The following RUNX2 variants were observed in gnomAD, a reference collection of about 807,000 sequenced individuals.
The protein encoded by RUNX2 is RUNX family transcription factor 2.
RUNX2 carries 10 observed loss-of-function variants against 51.7 expected under a neutral mutation model. The observed-to-expected ratio is 0.19, with a 90% CI of 0.12 to 0.33. The LOEUF is 0.33. Among genes scored for constraint, RUNX2 ranks in the 10% least tolerant of loss-of-function variants. The pLI is 1.00. For synonymous variants in RUNX2, 276 were observed against 273.6 expected (o/e 1.01, Z -0.09); for missense variants, 562 against 691.3 (o/e 0.81, Z 2.10).
chr6:45,362,080 C>T (rs1386993446), intron 2 of RUNX2, among the ~76,000 whole-genome samples: 4 of 152,078 alleles, frequency 2.6e-5, no homozygotes, highest in Admixed American at 2.0e-4. Flanking sequence ...AACAACAACA[C>T]AACTTCTGTT....
intron 2 of RUNX2, among the ~76,000 whole-genome samples, chr6:45,403,666 T>C (rs912922829): frequency 5.9e-5 from 9 of 152,224 alleles, no homozygotes; most frequent in Non-Finnish European, 1.5e-5. Context: ...AACTAGTCTT[T>C]ATTGAATGCC....
At chr6:45,329,527 C>T (rs1019614802) in intron 2 of RUNX2, among the ~76,000 whole-genome samples, 1 of 151,912 alleles carries the variant, frequency 6.6e-6, no homozygotes, top group Non-Finnish European at 1.5e-5. Flanking sequence ...CATCTACACA[C>T]TGTTATCCAT....
intron 5 of RUNX2, among the ~76,000 whole-genome samples, chr6:45,452,236 G>C (rs1799194485): frequency 6.6e-6 from 1 of 152,198 alleles, no homozygotes; most frequent in Non-Finnish European, 1.5e-5. Context: ...GTATAACCTG[G>C]AGCTTGAGTG....
At chr6:45,361,316 CTCCCAATTT>C (rs1206049802) in intron 2 of RUNX2, among the ~76,000 whole-genome samples, 17 of 152,004 alleles carry the variant, frequency 1.1e-4, no homozygotes, top group Non-Finnish European at 7.4e-5. Context: ...ATCCCCAAAA[CTCCCAATTT>C]TTAAAAACGT....
At chr6:45,355,843 A>C (rs1362534806) in intron 2 of RUNX2, among the ~76,000 whole-genome samples, 2 of 152,192 alleles carry the variant, frequency 1.3e-5, no homozygotes, top group African/African-American at 4.8e-5. Flanking sequence ...CCAACCAAAA[A>C]GAATGTTATT....
At chr6:45,331,585 G>A (rs1248698691) in intron 2 of RUNX2, among the ~76,000 whole-genome samples, 1 of 151,666 alleles carries the variant, frequency 6.6e-6, no homozygotes, top group Non-Finnish European at 1.5e-5. Flanking sequence ...AATTCCCAAA[G>A]ACTCATATAA....
intron 2 of RUNX2, among the ~76,000 whole-genome samples, chr6:45,417,383 G>T (rs1220833326): frequency 6.6e-6 from 1 of 152,146 alleles, no homozygotes; most frequent in East Asian, 1.9e-4. Flanking sequence ...TTCTTAAGGA[G>T]CCTGTGAAAA....
intron 6 of RUNX2, among the ~76,000 whole-genome samples, chr6:45,492,736 A>G (rs1408709475): frequency 6.6e-6 from 1 of 152,228 alleles, no homozygotes; most frequent in East Asian, 1.9e-4. Context: ...CAGACTAATC[A>G]TTCACATTTG....
At chr6:45,542,435 G>T (rs935598772) in intron 7 of RUNX2, among the ~76,000 whole-genome samples, 1 of 152,142 alleles carries the variant, frequency 6.6e-6, no homozygotes, top group Non-Finnish European at 1.5e-5. Context: ...ACATTTGTTT[G>T]CAAGCTGTTT....
intron 5 of RUNX2, among the ~76,000 whole-genome samples, chr6:45,452,477 CT>C (rs1296277896): frequency 6.6e-6 from 1 of 152,182 alleles, no homozygotes; most frequent in Non-Finnish European, 1.5e-5. Context: ...GTTAACTTTT[CT>C]TGGAGAAGCC....
At chr6:45,398,739 T>C (rs1797634269) in intron 2 of RUNX2, among the ~76,000 whole-genome samples, 1 of 152,214 alleles carries the variant, frequency 6.6e-6, no homozygotes, top group South Asian at 2.1e-4. Context: ...TTCCTCCTTA[T>C]AACATTAATA....
intron 7 of RUNX2, among the ~76,000 whole-genome samples, chr6:45,537,704 G>A (rs1802081628): frequency 6.6e-6 from 1 of 152,158 alleles, no homozygotes. Context: ...AGTCTGTTAA[G>A]CAATAGGCAG....
chr6:45,344,484 TATCCAGTGG>T (rs1396155516), intron 2 of RUNX2, among the ~76,000 whole-genome samples: 1 of 152,058 alleles, frequency 6.6e-6, no homozygotes, highest in Non-Finnish European at 1.5e-5. Context: ...AGATTCTAAA[TATCCAGTGG>T]AGAGCCCATA....
chr6:45,442,280 G>T (rs1254211509), intron 5 of RUNX2, among the ~76,000 whole-genome samples: 1 of 152,136 alleles, frequency 6.6e-6, no homozygotes, highest in African/African-American at 2.4e-5. Flanking sequence ...TCCCAAATTT[G>T]TAAGTCTTGT....
At position 45,422,975 on chromosome 6, in the gene RUNX2, C is replaced by T. The variant is rs1168191226; in HGVS notation, c.423+18C>T. ...CCTTCAAGGTAAGAGGCTACACCGCCCCCCGCCCCCGGCCGGGAGCGGCGG... is the reference window on the plus strand; with the variant it reads ...CCTTCAAGGTAAGAGGCTACACCGCTCCCCGCCCCCGGCCGGGAGCGGCGG... On this transcript the variant is annotated intron_variant, in intron 3 of 8. Coordinates refer to ENST00000647337, the MANE Select transcript of RUNX2 (RefSeq NM_001024630.4). 2.2e-5 allele frequency: 35 copies of T among 1,605,792 alleles called. No individual in the cohort carries two copies. Among genetic ancestry groups the T allele is most frequent in the African/African-American group, 2.7e-5 (2 of 74,748 alleles).
In RUNX2 at chr6:45,413,229, C is replaced by T. The variant is rs560177546; in HGVS notation, c.59-9364C>T. Among the ~76,000 whole-genome samples, 8 of 152,056 alleles carry T rather than the reference C, an allele frequency of 5.3e-5. No individual in the cohort carries two copies. The East Asian group carries it at 5.8e-4, about 11-fold the overall frequency. On this transcript the variant is annotated intron_variant, in intron 2 of 8. Transcript: ENST00000647337. ...AAATCAAAGACAATTCTAAAACAGACGGAAACAACAAAACAGGAATGTCTA... is the reference window on the plus strand; with the variant it reads ...AAATCAAAGACAATTCTAAAACAGATGGAAACAACAAAACAGGAATGTCTA...
chr6:45,548,310 A>T lies in RUNX2; in HGVS notation c.*1005A>T, dbSNP rs1202983357. ...TCTTTATTAAATAACAAATTTCTTC[A>T]GTGGTCTAGAGCCATATCTGAAATA... On this transcript the variant is annotated 3_prime_UTR_variant, in exon 9 of 9. Coordinates refer to ENST00000647337, the MANE Select transcript of RUNX2 (RefSeq NM_001024630.4). The T allele has an allele frequency of 2.0e-5, 3 of 152,654 alleles. No homozygotes were observed. The highest frequency in any genetic ancestry group is 4.4e-5 in the Non-Finnish European group (3 of 68,040). The allele number at this position is 152,654 out of a possible 1,614,324, so 9.5% of individuals were successfully genotyped here. A position where few individuals can be genotyped will look rare whatever the true frequency, so the allele number is the denominator to read the frequency against.
At chr6:45,329,113 G>C (rs1367844727) in intron 2 of RUNX2, among the ~76,000 whole-genome samples, 6 of 152,038 alleles carry the variant, frequency 3.9e-5, no homozygotes, top group Middle Eastern at 3.4e-3. Flanking sequence ...CAGAAGAAAA[G>C]TCAGATCCTA....
chr6:45,436,615 A>G (rs893431063), intron 4 of RUNX2, among the ~76,000 whole-genome samples: 2 of 152,106 alleles, frequency 1.3e-5, no homozygotes, highest in African/African-American at 2.4e-5. Flanking sequence ...AAAACTATTT[A>G]TACTCAGTAA....
Sources: allele counts gnomAD v4.1 joint callset (sites outside exome capture counted in the v4.1 genomes callset), GRCh38; gene constraint gnomAD v4.1.1; transcripts MANE v1.5; gene names NCBI Gene and HGNC (gene_info 2026-07-23, HGNC 2026-07-21).